ITGA11: variants seen among roughly 807,000 people sequenced by gnomAD.
ITGA11 encodes integrin subunit alpha 11, also known as integrin alpha-11.
Under a neutral mutation model 141.9 loss-of-function variants are expected in ITGA11, and 97 were observed. That is an observed-to-expected ratio of 0.68 (90% CI 0.58 to 0.81). ITGA11 has a LOEUF of 0.81. Ranked by LOEUF, ITGA11 falls within the 30% of genes least tolerant of loss-of-function variation. ITGA11 has a pLI of 0.00. For synonymous variants in ITGA11, 658 were observed against 624.6 expected (o/e 1.05, Z -0.80); for missense variants, 1,387 against 1,559.2 (o/e 0.89, Z 1.86).
Position 68,402,957 on chromosome 15 carries a change from C to T in ITGA11, c.125G>A (p.Gly42Asp). 3.1e-6 allele frequency: 5 copies of T among 1,613,786 alleles called. No homozygotes were observed. The highest frequency in any genetic ancestry group is 4.2e-6 in the Non-Finnish European group (5 of 1,179,806). Residue 42 changes from glycine (G) to aspartate (D), a missense_variant, in exon 2 of 30, where the codon GGC becomes GAC. Physicochemically the swap from Gly to Asp is moderately conservative, Grantham distance 94. Transcript: ENST00000315757. ...VIPGSRTAFF[G>D]YTVQQHDISG... The stretch of plus-strand genomic sequence containing the variant: ...GATGTCGTGCTGCTGCACTGTGTAG[C>T]CAAAGAAGGCGGTCCTGGAGCCAGG...
Position 68,307,852 on chromosome 15 carries a change from T to A in ITGA11, c.3175-156A>T, listed in dbSNP as rs1893253899. The stretch of plus-strand genomic sequence containing the variant: ...GAGTGGGGGACATGTGCATTGCGTC[T>A]GCCAGGGGATGACTGAAGGACAAAT... On this transcript the variant is annotated intron_variant, in intron 26 of 29. Coordinates refer to ENST00000315757, the MANE Select transcript of ITGA11 (RefSeq NM_001004439.2). The surrounding 1 kb of genome is among the most constrained non-coding windows in gnomAD (Gnocchi z 6.1). Among the ~76,000 whole-genome samples the A allele has an allele frequency of 6.6e-6, 1 of 152,156 alleles. No individual in the cohort carries two copies.
chr15:68,338,887 C>T (rs2140313523), intron 11 of ITGA11, among the ~76,000 whole-genome samples: 1 of 152,302 alleles, frequency 6.6e-6, no homozygotes, highest in Non-Finnish European at 1.5e-5. Context: ...CCCTCTGGCC[C>T]TTCCTTTAGA....
At chr15:68,306,176 CAA>C (rs1195747637) in intron 28 of ITGA11, among the ~76,000 whole-genome samples, 3 of 136,522 alleles carry the variant, frequency 2.2e-5, no homozygotes, top group South Asian at 4.5e-4. Context: ...GGTGACAGAG[CAA>C]GACTCCGTCT....
In ITGA11 at chr15:68,319,133, G is replaced by A. The variant is rs76455347; in HGVS notation, c.2616+1052C>T. Among the ~76,000 whole-genome samples the A allele has an allele frequency of 4.8e-3, 725 of 152,360 alleles. 5 individuals are homozygous for A. Among genetic ancestry groups the A allele is most frequent in the Middle Eastern group, 0.017 (5 of 294 alleles). Reference sequence around the variant, plus strand: ...TTGGGAAAGATACCCCAGAGAGCAGGGCTGAGGACTATGCTTTGTCACATA... The same window carrying A: ...TTGGGAAAGATACCCCAGAGAGCAGAGCTGAGGACTATGCTTTGTCACATA... On this transcript the variant is annotated intron_variant, in intron 20 of 29. Transcript: ENST00000315757.
In ITGA11 at chr15:68,335,576, A is replaced by G. The variant is rs1894320951; in HGVS notation, c.1425+121T>C. The G allele has an allele frequency of 8.8e-7, 1 of 1,137,546 alleles. No homozygotes were observed. Among genetic ancestry groups the G allele is most frequent in the Admixed American group, 2.1e-5 (1 of 48,342 alleles). 70.5% of individuals were successfully genotyped at this position (1,137,546 alleles called of 1,614,324 possible). Reference sequence around the variant, plus strand: ...CTCCTGGCAGCATGAAGGTGGCTGGAGGAACATGACTGCCCTTTGGGGCAC... The same window carrying G: ...CTCCTGGCAGCATGAAGGTGGCTGGGGGAACATGACTGCCCTTTGGGGCAC... On this transcript the variant is annotated intron_variant, in intron 12 of 29. Transcript: ENST00000315757. This position sits in a 1 kb window ranked among gnomAD's most constrained non-coding sequence, Gnocchi z 4.9.
At chr15:68,361,480 G>A in intron 5 of ITGA11, 110 bp downstream of exon 5, 1 of 708,716 alleles carries the variant, frequency 1.4e-6, no homozygotes, top group South Asian at 1.7e-5. Flanking sequence ...GGGCAGGACA[G>A]TGCTAGAGTC....
chr15:68,422,882 T>C (rs548830994), intron 1 of ITGA11, among the ~76,000 whole-genome samples: 8 of 152,296 alleles, frequency 5.3e-5, no homozygotes, highest in Non-Finnish European at 4.4e-5. Context: ...ACTTCCTCCC[T>C]TGCATTGTAG....
chr15:68,361,588 A>G lies in ITGA11; in HGVS notation c.472+2T>C. 6.3e-7 allele frequency: 1 copy of G among 1,592,976 alleles called. No homozygotes were observed. The highest frequency in any genetic ancestry group is 8.6e-7 in the Non-Finnish European group (1 of 1,167,936). On this transcript the variant is annotated splice_donor_variant, in intron 5 of 29. Coordinates refer to ENST00000315757, the MANE Select transcript of ITGA11 (RefSeq NM_001004439.2). LOFTEE classifies it high-confidence loss of function. ...TGAGGTTGCAGATTTGAAGCCACTT[A>G]CTTTGGAGAGCTGGGGCCACGGTCT... is the stretch of plus-strand genomic sequence containing the variant.
intron 1 of ITGA11, among the ~76,000 whole-genome samples, chr15:68,403,827 A>T (rs1896570808): frequency 6.6e-6 from 1 of 152,010 alleles, no homozygotes; most frequent in South Asian, 2.1e-4. Context: ...TAGTAGAGAC[A>T]GGGTTTCACC....
chr15:68,367,381 T>C (rs758653536), intron 3 of ITGA11, among the ~76,000 whole-genome samples: 4 of 152,186 alleles, frequency 2.6e-5, no homozygotes, highest in African/African-American at 4.8e-5. Context: ...GGCCTTTCTT[T>C]ATCTTCTCCA....
intron 28 of ITGA11, among the ~76,000 whole-genome samples, chr15:68,306,837 T>C (rs561024408): frequency 6.6e-6 from 1 of 152,252 alleles, no homozygotes; most frequent in Non-Finnish European, 1.5e-5. Flanking sequence ...GTGTGGCCAG[T>C]GGAGGGCAGC....
chr15:68,374,400 C>T (rs1455448209), intron 2 of ITGA11, among the ~76,000 whole-genome samples: 70 of 152,102 alleles, frequency 4.6e-4, no homozygotes, highest in Admixed American at 4.5e-3. Context: ...TGGGAGGAAA[C>T]ATGCAGGTTC....
At position 68,307,309 on chromosome 15, in the gene ITGA11, C is replaced by T. The variant is rs760735804; in HGVS notation, c.3381+39G>A. 65 of 1,432,672 alleles carry T rather than the reference C, an allele frequency of 4.5e-5. No individual in the cohort carries two copies. Among genetic ancestry groups the T allele is most frequent in the Middle Eastern group, 2.0e-4 (1 of 5,110 alleles). The allele number at this position is 1,432,672 out of a possible 1,614,324, so 88.7% of individuals were successfully genotyped here. On this transcript the variant is annotated intron_variant, in intron 28 of 29. Coordinates refer to ENST00000315757, the MANE Select transcript of ITGA11 (RefSeq NM_001004439.2). The surrounding 1 kb of genome is among the most constrained non-coding windows in gnomAD (Gnocchi z 6.1). ...ACGGCCAACCCTTTCCCAAGCTGTC[C>T]GGCCTAAGCCCAGTTCTGCAGGGCT... is the stretch of plus-strand genomic sequence containing the variant.
At position 68,305,195 on chromosome 15, in the gene ITGA11, C is replaced by T. The variant is rs1196931032; in HGVS notation, c.3382-1310G>A. 6.6e-6 allele frequency among the ~76,000 whole-genome samples: 1 copy of T among 152,222 alleles called. No homozygotes were observed. The highest frequency in any genetic ancestry group is 1.5e-5 in the Non-Finnish European group (1 of 68,038). On this transcript the variant is annotated intron_variant, in intron 28 of 29. Transcript: ENST00000315757. This position sits in a 1 kb window ranked among gnomAD's most constrained non-coding sequence, Gnocchi z 4.6. Reference sequence around the variant, plus strand: ...CATGCCATGGCGTGCCTGCTGTAGGCATTGCTATTCCCTCTGCCTGCAAGG... The same window carrying T: ...CATGCCATGGCGTGCCTGCTGTAGGTATTGCTATTCCCTCTGCCTGCAAGG...
At chr15:68,427,012 CAAAAAAA>C (rs148867034) in intron 1 of ITGA11, among the ~76,000 whole-genome samples, 6 of 47,830 alleles carry the variant, frequency 1.3e-4, no homozygotes, top group South Asian at 1.2e-3. Flanking sequence ...AAGACTGTCT[CAAAAAAA>C]AAAAAAAAAA....
intron 2 of ITGA11, among the ~76,000 whole-genome samples, chr15:68,390,810 T>C (rs973241523): frequency 1.3e-5 from 2 of 152,202 alleles, no homozygotes; most frequent in Admixed American, 1.3e-4. Flanking sequence ...CATGGGCAAA[T>C]AGAGGTTCGG....
At chr15:68,399,366 G>A (rs1401477751) in intron 2 of ITGA11, among the ~76,000 whole-genome samples, 3 of 152,090 alleles carry the variant, frequency 2.0e-5, no homozygotes, top group South Asian at 2.1e-4. Context: ...CTTATACACT[G>A]TTGGTGGGAA....
At chr15:68,381,997 G>A (rs939759516) in intron 2 of ITGA11, among the ~76,000 whole-genome samples, 16 of 152,190 alleles carry the variant, frequency 1.1e-4, no homozygotes, top group Non-Finnish European at 1.8e-4. Context: ...GGAGCGCAGA[G>A]GACACAGAAG....
chr15:68,344,421 C>T (rs1211674592), intron 10 of ITGA11, among the ~76,000 whole-genome samples: 1 of 152,170 alleles, frequency 6.6e-6, no homozygotes, highest in Non-Finnish European at 1.5e-5. Context: ...GAAGATTACA[C>T]CTCTAAAGCT....
Sources: gnomAD v4.1 joint callset for allele counts (sites outside exome capture counted in the v4.1 genomes callset) on GRCh38, gnomAD v4.1.1 for gene constraint, Gnocchi (gnomAD v3.1) non-coding constraint, MANE v1.5 for transcripts, NCBI Gene and HGNC (gene_info 2026-07-23, HGNC 2026-07-21) for gene names.